Variants in DIS3L2 observed in about 807,000 individuals in gnomAD.
The protein encoded by DIS3L2 is DIS3-like exonuclease 2.
In DIS3L2, 34 loss-of-function variants were observed where a neutral mutation model predicts 97.5. The observed-to-expected ratio is 0.35, with a 90% CI of 0.27 to 0.46. The LOEUF (loss-of-function observed/expected upper bound fraction) is 0.46, where lower values mean the gene tolerates loss of function less well. Among genes scored for constraint, DIS3L2 ranks in the 20% least tolerant of loss-of-function variants. DIS3L2 has a pLI of 1.00. For missense variants in DIS3L2, 1,038 were observed against 1,146.0 expected, an observed-to-expected ratio of 0.91 and a Z score of 1.36; for synonymous variants, 435 against 445.2, an observed-to-expected ratio of 0.98 and a Z score of 0.29.
intron 1 of DIS3L2, among the ~76,000 whole-genome samples, chr2:231,999,112 A>C (rs3100598): frequency 0.79 from 120,102 of 152,188 alleles, 48,226 homozygotes; most frequent in African/African-American, 0.93. Flanking sequence ...CTGCCCTTGC[A>C]GCATGAAAGC....
intron 1 of DIS3L2, among the ~76,000 whole-genome samples, chr2:231,976,683 C>G (rs1305042266): frequency 6.6e-6 from 1 of 150,780 alleles, no homozygotes; most frequent in Non-Finnish European, 1.5e-5. Context: ...TACTGAACAT[C>G]ATAGCTTAGC....
chr2:232,250,321 A>G (rs1166543689), intron 12 of DIS3L2, among the ~76,000 whole-genome samples: 1 of 147,782 alleles, frequency 6.8e-6, no homozygotes, highest in Non-Finnish European at 1.5e-5. Context: ...AACCTCACTA[A>G]AACAACAGTA....
At chr2:232,171,576 A>C (rs1690992249) in intron 9 of DIS3L2, among the ~76,000 whole-genome samples, 1 of 152,160 alleles carries the variant, frequency 6.6e-6, no homozygotes, top group African/African-American at 2.4e-5. Flanking sequence ...TGTGCTTTAA[A>C]TCTCAGTTCT....
rs1466283665 is a variant in DIS3L2, at chr2:232,325,028, G to C, written c.1740-4785G>C. On this transcript the variant is annotated intron_variant, in intron 14 of 20. Coordinates refer to ENST00000325385, the MANE Select transcript of DIS3L2 (RefSeq NM_152383.5). The surrounding 1 kb of genome is among the most constrained non-coding windows in gnomAD (Gnocchi z 4.6). ...ATCAAAACCCAGCCCCAGCCTTTCAGCTGAGCAGAGAAATACTCAGATCCA... is the reference window on the plus strand; with the variant it reads ...ATCAAAACCCAGCCCCAGCCTTTCACCTGAGCAGAGAAATACTCAGATCCA... 6.6e-6 allele frequency among the ~76,000 whole-genome samples: 1 copy of C among 152,256 alleles called. No individual in the cohort carries two copies. The highest frequency in any genetic ancestry group is 1.5e-5 in the Non-Finnish European group (1 of 68,044).
chr2:232,317,232 G>A (rs1337723780), intron 14 of DIS3L2, among the ~76,000 whole-genome samples: 1 of 152,248 alleles, frequency 6.6e-6, no homozygotes, highest in Non-Finnish European at 1.5e-5. Flanking sequence ...GATTTGGACA[G>A]GGGTTGGGAG....
chr2:232,009,260 G>A (rs778553964), intron 1 of DIS3L2, among the ~76,000 whole-genome samples: 3 of 152,132 alleles, frequency 2.0e-5, no homozygotes, highest in African/African-American at 4.8e-5. Flanking sequence ...TATGGGTCAC[G>A]CTTTTCTGAT....
chr2:232,337,967 A>G (rs1056496428), downstream of DIS3L2, among the ~76,000 whole-genome samples: 3 of 149,830 alleles, frequency 2.0e-5, no homozygotes, highest in African/African-American at 7.5e-5. Context: ...CACCCCCGAG[A>G]TGTCCCAGAG....
chr2:232,120,453 G>A (rs188596474), intron 6 of DIS3L2, among the ~76,000 whole-genome samples: 3 of 152,246 alleles, frequency 2.0e-5, no homozygotes, highest in East Asian at 1.9e-4. Context: ...TGCCTACCAC[G>A]TGGGACTGTT....
At chr2:232,081,770 C>T (rs1696407831) in intron 5 of DIS3L2, among the ~76,000 whole-genome samples, 1 of 152,092 alleles carries the variant, frequency 6.6e-6, no homozygotes, top group Non-Finnish European at 1.5e-5. Flanking sequence ...AGCCATTTCT[C>T]TAAGGAGTCC....
At chr2:232,332,405 G>T (rs1695764831) in intron 16 of DIS3L2, among the ~76,000 whole-genome samples, 1 of 152,186 alleles carries the variant, frequency 6.6e-6, no homozygotes, top group African/African-American at 2.4e-5. Flanking sequence ...GTCTGGCCAA[G>T]GGCACAGGAG....
At chr2:231,983,673 G>A (rs945409497) in intron 1 of DIS3L2, among the ~76,000 whole-genome samples, 2 of 152,092 alleles carry the variant, frequency 1.3e-5, no homozygotes, top group Non-Finnish European at 2.9e-5. Flanking sequence ...GGTGGATCAC[G>A]AGGTCAGGAG....
At chr2:232,211,711 T>C (rs1692196056) in intron 10 of DIS3L2, among the ~76,000 whole-genome samples, 1 of 152,190 alleles carries the variant, frequency 6.6e-6, no homozygotes, top group Non-Finnish European at 1.5e-5. Flanking sequence ...CAGAACGCCG[T>C]AGGTTCAGTA....
At chr2:232,071,566 G>T (rs1430327826) in intron 5 of DIS3L2, among the ~76,000 whole-genome samples, 1 of 152,032 alleles carries the variant, frequency 6.6e-6, no homozygotes, top group African/African-American at 2.4e-5. Flanking sequence ...GAGCTGGTGG[G>T]ATTTAACCCA....
chr2:232,060,606 C>T (rs181745287), intron 5 of DIS3L2, among the ~76,000 whole-genome samples: 66 of 152,122 alleles, frequency 4.3e-4, no homozygotes, highest in African/African-American at 1.5e-3. Flanking sequence ...TTTCCAGTTT[C>T]GTTCCTTTTG....
intron 4 of DIS3L2, among the ~76,000 whole-genome samples, chr2:232,026,475 C>A (rs1694659804): frequency 2.6e-5 from 4 of 152,038 alleles, no homozygotes; most frequent in Admixed American, 2.6e-4. Flanking sequence ...GGCATCCTAT[C>A]CCATGTATCT....
chr2:231,971,974 C>G (rs1692929717), intron 1 of DIS3L2, among the ~76,000 whole-genome samples: 1 of 150,070 alleles, frequency 6.7e-6, no homozygotes, highest in African/African-American at 2.4e-5. Context: ...ATCACAAGGT[C>G]AAGAGATTGA....
intron 6 of DIS3L2, among the ~76,000 whole-genome samples, chr2:232,089,220 T>C (rs76114440): frequency 0.013 from 1,924 of 152,302 alleles, 45 homozygotes; most frequent in African/African-American, 0.043. Flanking sequence ...AGAATGACTT[T>C]CCAACTTTGA....
intron 8 of DIS3L2, among the ~76,000 whole-genome samples, chr2:232,149,193 G>C (rs1478072874): frequency 7.3e-6 from 1 of 137,740 alleles, no homozygotes; most frequent in East Asian, 2.1e-4. Flanking sequence ...GCGCTTAAAA[G>C]TTTTTTTTTT....
chr2:232,328,835 T>C (rs1033186673), intron 14 of DIS3L2: 2 of 152,116 alleles, frequency 1.3e-5, no homozygotes, highest in Admixed American at 1.3e-4. Flanking sequence ...GCTCCAGCTC[T>C]TGTGCACATG....
Sources: allele counts gnomAD v4.1 joint callset (sites outside exome capture counted in the v4.1 genomes callset), GRCh38; gene constraint gnomAD v4.1.1; non-coding constraint Gnocchi (gnomAD v3.1); transcripts MANE v1.5; gene names NCBI Gene and HGNC (gene_info 2026-07-23, HGNC 2026-07-21).